Variants in OSBPL6 observed in about 807,000 individuals in gnomAD.
OSBPL6 encodes the protein oxysterol binding protein like 6, also known as oxysterol-binding protein-related protein 6.
A neutral mutation model predicts 125.8 loss-of-function variants in OSBPL6; 49 were observed. The observed-to-expected ratio is 0.39, with a 90% CI of 0.31 to 0.49. The LOEUF (loss-of-function observed/expected upper bound fraction) is 0.49. Ranked by LOEUF, OSBPL6 falls within the 20% of genes least tolerant of loss-of-function variation. The pLI is 0.88. For missense variants in OSBPL6, 986 were observed against 1,135.4 expected, an observed-to-expected ratio of 0.87 and a Z score of 1.89; for synonymous variants, 394 against 391.8, an observed-to-expected ratio of 1.01 and a Z score of -0.07.
At chr2:178,381,033 C>G (rs1322161739) in intron 15 of OSBPL6, among the ~76,000 whole-genome samples, 3 of 152,110 alleles carry the variant, frequency 2.0e-5, no homozygotes, top group African/African-American at 4.8e-5. Flanking sequence ...TCTGTTTACT[C>G]TTACTTGTTT....
chr2:178,312,844 C>T (rs1464280516), intron 3 of OSBPL6, among the ~76,000 whole-genome samples: 1 of 151,932 alleles, frequency 6.6e-6, no homozygotes, highest in Non-Finnish European at 1.5e-5. Flanking sequence ...AGTTTGTGAC[C>T]CACTGACTGG....
rs114837053 is a variant in OSBPL6, at chr2:178,366,232, A to G, written c.1287+4417A>G. Among the ~76,000 whole-genome samples, 1,350 of 152,304 alleles carry G rather than the reference A, an allele frequency of 8.9e-3. 17 individuals carry two copies. The highest frequency in any genetic ancestry group is 0.031 in the African/African-American group (1,289 of 41,558). On this transcript the variant is annotated intron_variant, in intron 13 of 24. Coordinates refer to ENST00000190611, the MANE Select transcript of OSBPL6 (RefSeq NM_032523.4). The stretch of plus-strand genomic sequence containing the variant: ...GCAGTACCCTGAACACCAAAATGAA[A>G]TAGTCTGTAATAAAACTAAGGCAAC...
At chr2:178,293,384 A>G (rs1477244673) in intron 2 of OSBPL6, among the ~76,000 whole-genome samples, 2 of 152,180 alleles carry the variant, frequency 1.3e-5, no homozygotes, top group African/African-American at 4.8e-5. Context: ...GACAAAAAAT[A>G]ATCTAAAATG....
chr2:178,339,635 T>C (rs1404278966), intron 10 of OSBPL6, 37 bp from the exon 11 acceptor site: 1 of 1,518,244 alleles, frequency 6.6e-7, no homozygotes, highest in Admixed American at 2.0e-5. Flanking sequence ...GTGAACTTAA[T>C]AATACTTTGT....
intron 1 of OSBPL6, among the ~76,000 whole-genome samples, chr2:178,217,991 G>A (rs1333359447): frequency 6.6e-6 from 1 of 152,294 alleles, no homozygotes; most frequent in African/African-American, 2.4e-5. Context: ...TGTATCAGTG[G>A]TTGGCAGGTT....
chr2:178,365,881 A>T (rs767837110), intron 13 of OSBPL6, among the ~76,000 whole-genome samples: 1 of 151,798 alleles, frequency 6.6e-6, no homozygotes, highest in Non-Finnish European at 1.5e-5. Flanking sequence ...CTATAATTTC[A>T]TATCTTTTTT....
intron 1 of OSBPL6, among the ~76,000 whole-genome samples, chr2:178,261,667 G>A (rs1160037559): frequency 6.6e-6 from 1 of 152,194 alleles, no homozygotes; most frequent in Non-Finnish European, 1.5e-5. Context: ...ATTAGTTACT[G>A]GCTTCTGCAG....
intron 23 of OSBPL6, among the ~76,000 whole-genome samples, chr2:178,393,605 A>T (rs141259187): frequency 1.4e-4 from 21 of 152,264 alleles, no homozygotes; most frequent in Non-Finnish European, 2.8e-4. Context: ...TTGACATTCA[A>T]ATTTATTAAT....
intron 11 of OSBPL6, among the ~76,000 whole-genome samples, chr2:178,344,983 AGGTTT>A: frequency 6.6e-6 from 1 of 152,080 alleles, no homozygotes. Context: ...CCATATCTAG[AGGTTT>A]TTTTTTCTGA....
chr2:178,262,459 CCA>C (rs1474836359), intron 1 of OSBPL6, among the ~76,000 whole-genome samples: 2 of 152,106 alleles, frequency 1.3e-5, no homozygotes, highest in Non-Finnish European at 1.5e-5. Context: ...TAGCCAAACT[CCA>C]CTTCATTCTT....
intron 1 of OSBPL6, among the ~76,000 whole-genome samples, chr2:178,267,884 A>G (rs530602275): frequency 2.0e-5 from 3 of 151,552 alleles, no homozygotes; most frequent in Non-Finnish European, 2.9e-5. Flanking sequence ...GAATGACGCT[A>G]TCAGTGGAGT....
intron 11 of OSBPL6, chr2:178,344,191 T>G (rs1032846008): frequency 1.3e-5 from 14 of 1,097,390 alleles, no homozygotes; most frequent in Non-Finnish European, 1.8e-5. Flanking sequence ...TTAAAAACTC[T>G]CCCTCTCCTT....
intron 1 of OSBPL6, among the ~76,000 whole-genome samples, chr2:178,242,689 T>C (rs1041939570): frequency 6.6e-6 from 1 of 152,192 alleles, no homozygotes; most frequent in African/African-American, 2.4e-5. Flanking sequence ...GAATCAATGG[T>C]TGATGCAGTG....
At chr2:178,208,109 A>AC (rs1346761874) in intron 1 of OSBPL6, among the ~76,000 whole-genome samples, 2 of 151,980 alleles carry the variant, frequency 1.3e-5, no homozygotes, top group Non-Finnish European at 2.9e-5. Context: ...ACATGGTGAA[A>AC]CCCCATCTCT....
At chr2:178,394,120 T>A (rs1432497276) in intron 23 of OSBPL6, among the ~76,000 whole-genome samples, 193 bp from the exon 24 acceptor site, 1 of 152,136 alleles carries the variant, frequency 6.6e-6, no homozygotes, top group Non-Finnish European at 1.5e-5. Context: ...AATATGTAAA[T>A]CCTGGGAGGC....
intron 15 of OSBPL6, among the ~76,000 whole-genome samples, chr2:178,375,883 C>T (rs1279278848): frequency 6.6e-6 from 1 of 152,196 alleles, no homozygotes; most frequent in Non-Finnish European, 1.5e-5. Context: ...GCCCTGGACA[C>T]TGGGTATACA....
intron 1 of OSBPL6, among the ~76,000 whole-genome samples, chr2:178,224,397 AAG>A (rs2090466095): frequency 6.6e-6 from 1 of 152,152 alleles, no homozygotes; most frequent in Non-Finnish European, 1.5e-5. Context: ...GAGAGGGAAA[AAG>A]AACTTTGGAG....
intron 15 of OSBPL6, among the ~76,000 whole-genome samples, chr2:178,375,307 G>T (rs1693758969): frequency 6.6e-6 from 1 of 152,034 alleles, no homozygotes; most frequent in African/African-American, 2.4e-5. Context: ...GCACCCCCAG[G>T]GACCACCATG....
chr2:178,324,287 G>T lies in OSBPL6; in HGVS notation c.195+18G>T, dbSNP rs1255272647. The stretch of plus-strand genomic sequence containing the variant: ...TCTCCAAGGTCAGTGATGAAATGCG[G>T]TGCTTTCTCTGCTGGCATGATGCCT... On this transcript the variant is annotated intron_variant, in intron 4 of 24. Transcript: ENST00000190611. 2.0e-6 allele frequency: 3 copies of T among 1,523,832 alleles called. No homozygotes were observed. Among genetic ancestry groups the T allele is most frequent in the Admixed American group, 1.8e-5 (1 of 54,282 alleles). 94.4% of individuals were successfully genotyped at this position (1,523,832 alleles called of 1,614,324 possible). A position where few individuals can be genotyped will look rare whatever the true frequency, so the allele number is the denominator to read the frequency against.
Sources: allele counts gnomAD v4.1 joint callset (sites outside exome capture counted in the v4.1 genomes callset), GRCh38; gene constraint gnomAD v4.1.1; transcripts MANE v1.5; gene names NCBI Gene and HGNC (gene_info 2026-07-23, HGNC 2026-07-21).